ANKS1A: variants seen among roughly 807,000 people sequenced by gnomAD.
The protein encoded by ANKS1A is ankyrin repeat and SAM domain-containing protein 1A.
In ANKS1A, 55 loss-of-function variants were observed where a neutral mutation model predicts 120.3. The observed-to-expected ratio is 0.46, with a 90% CI of 0.37 to 0.57. The LOEUF is 0.57. Ranked by LOEUF, ANKS1A falls within the 20% of genes least tolerant of loss-of-function variation. The probability of loss-of-function intolerance (pLI) is 0.00; values close to 1 mark genes in which losing one functional copy is unlikely to be tolerated. For synonymous variants in ANKS1A, 590 were observed against 604.7 expected (o/e 0.98, Z 0.36); for missense variants, 1,123 against 1,480.3 (o/e 0.76, Z 3.96).
chr6:34,976,147 A>AAAAAAAAAAAAAAAG (rs559867720), intron 3 of ANKS1A, among the ~76,000 whole-genome samples: 5 of 145,728 alleles, frequency 3.4e-5, no homozygotes, highest in African/African-American at 5.0e-5. Context: ...AAAAAAAAAA[A>AAAAAAAAAAAAAAAG]AAAAGAAAAG....
chr6:35,051,520 C>T lies in ANKS1A; in HGVS notation c.2011-2579C>T, dbSNP rs191296418. Among the ~76,000 whole-genome samples the T allele has an allele frequency of 7.5e-4, 114 of 152,274 alleles. 2 individuals carry two copies. The highest frequency in any genetic ancestry group is 5.4e-3 in the Admixed American group (83 of 15,300). ...TTCCTTCCCCAGCACGCTGCATGGCCGTGGAGAACAGCTTTTCCAGTGCAG... is the reference window on the plus strand; with the variant it reads ...TTCCTTCCCCAGCACGCTGCATGGCTGTGGAGAACAGCTTTTCCAGTGCAG... On this transcript the variant is annotated intron_variant, in intron 11 of 23. Transcript: ENST00000360359.
chr6:34,971,296 A>G (rs1277870327), intron 3 of ANKS1A, among the ~76,000 whole-genome samples: 1 of 152,242 alleles, frequency 6.6e-6, no homozygotes, highest in Admixed American at 6.5e-5. Flanking sequence ...TTGAGCAAAA[A>G]TAACCGTATA....
At chr6:34,956,742 G>C (rs1293600491) in intron 1 of ANKS1A, among the ~76,000 whole-genome samples, 3 of 152,120 alleles carry the variant, frequency 2.0e-5, no homozygotes, top group Non-Finnish European at 1.5e-5. Flanking sequence ...CTTTCATTCA[G>C]GGCCTCTGAT....
At chr6:34,979,799 A>G (rs917436963) in intron 3 of ANKS1A, among the ~76,000 whole-genome samples, 4 of 152,200 alleles carry the variant, frequency 2.6e-5, no homozygotes, top group South Asian at 2.1e-4. Flanking sequence ...GGCTCTTTCT[A>G]TCACACTCAT....
At chr6:35,029,512 C>A (rs1053582059) in intron 11 of ANKS1A, among the ~76,000 whole-genome samples, 3 of 151,470 alleles carry the variant, frequency 2.0e-5, no homozygotes, top group African/African-American at 7.3e-5. Context: ...CCACGCCCAG[C>A]TAATCTTTGT....
At chr6:35,013,017 C>A (rs1773843765) in intron 10 of ANKS1A, among the ~76,000 whole-genome samples, 1 of 152,192 alleles carries the variant, frequency 6.6e-6, no homozygotes, top group South Asian at 2.1e-4. Context: ...TCTCTAACTC[C>A]TGAGCTCAAG....
At chr6:35,081,194 A>G (rs1777654955) in intron 17 of ANKS1A, 36 bp downstream of exon 17, 4 of 1,572,406 alleles carry the variant, frequency 2.5e-6, no homozygotes, top group Middle Eastern at 3.5e-4. Flanking sequence ...GCCAGGCTCT[A>G]CCTCATTCCT....
At position 35,082,431 on chromosome 6, in the gene ANKS1A, A is replaced by T. The variant is rs1369413061; in HGVS notation, c.2710-260A>T. Among the ~76,000 whole-genome samples, 2 of 151,492 alleles carry T rather than the reference A, an allele frequency of 1.3e-5. No homozygotes were observed. The highest frequency in any genetic ancestry group is 4.9e-5 in the African/African-American group (2 of 41,198). On this transcript the variant is annotated intron_variant, in intron 17 of 23. Coordinates refer to ENST00000360359, the MANE Select transcript of ANKS1A (RefSeq NM_015245.3). The surrounding 1 kb of genome is among the most constrained non-coding windows in gnomAD (Gnocchi z 4.1). ...TCATTTCCCATCTCCTTTGAGACTC[A>T]TCTCGGACACCACAGAGACTGTCCT...
At chr6:34,992,337 C>A (rs1357411182) in intron 9 of ANKS1A, among the ~76,000 whole-genome samples, 1 of 152,188 alleles carries the variant, frequency 6.6e-6, no homozygotes, top group Non-Finnish European at 1.5e-5. Context: ...TTGTCCTGCA[C>A]AAGAACTAGG....
chr6:35,059,426 C>T (rs58443716), intron 12 of ANKS1A, among the ~76,000 whole-genome samples: 1,789 of 152,344 alleles, frequency 0.012, 43 homozygotes, highest in African/African-American at 0.04. Flanking sequence ...CACAAAGGGC[C>T]GGTGGCCATG....
At chr6:34,925,611 CTT>C (rs1768677054) in intron 1 of ANKS1A, among the ~76,000 whole-genome samples, 2 of 152,190 alleles carry the variant, frequency 1.3e-5, no homozygotes, top group African/African-American at 4.8e-5. Flanking sequence ...TTCAGGGAAA[CTT>C]TGTCCATAGA....
At chr6:35,049,898 C>T (rs959052785) in intron 11 of ANKS1A, among the ~76,000 whole-genome samples, 1 of 152,218 alleles carries the variant, frequency 6.6e-6, no homozygotes, top group Non-Finnish European at 1.5e-5. Flanking sequence ...TGAGGTCCGC[C>T]TGTGCCCAAC....
Position 35,088,963 on chromosome 6 carries a change from A to C in ANKS1A, c.*354A>C. The stretch of plus-strand genomic sequence containing the variant: ...AGGTCATACTGCCAATCTTTAGACA[A>C]ATGGCCATGGGGCAGAGGACAGGGG... On this transcript the variant is annotated 3_prime_UTR_variant, in exon 24 of 24. Coordinates refer to ENST00000360359, the MANE Select transcript of ANKS1A (RefSeq NM_015245.3). The C allele has an allele frequency of 8.1e-7, 1 of 1,236,140 alleles. No individual in the cohort carries two copies. The highest frequency in any genetic ancestry group is 1.0e-6 in the Non-Finnish European group (1 of 976,276). 76.6% of individuals were successfully genotyped at this position (1,236,140 alleles called of 1,614,324 possible).
At chr6:35,078,687 C>T (rs1220743189) in intron 14 of ANKS1A, 31 bp downstream of exon 14, 9 of 1,594,796 alleles carry the variant, frequency 5.6e-6, no homozygotes, top group South Asian at 1.1e-5. Flanking sequence ...AGCCTCAGCC[C>T]GTGCGGAGCC....
intron 10 of ANKS1A, among the ~76,000 whole-genome samples, chr6:35,009,749 G>A (rs1773647296): frequency 6.6e-6 from 1 of 151,482 alleles, no homozygotes; most frequent in African/African-American, 2.4e-5. Context: ...CTAAAAATAT[G>A]AAAATTTACT....
intron 11 of ANKS1A, among the ~76,000 whole-genome samples, chr6:35,029,837 A>G (rs1313443822): frequency 1.3e-5 from 2 of 149,150 alleles, no homozygotes; most frequent in African/African-American, 4.9e-5. Context: ...TTTTATATAT[A>G]TATAGTTACA....
intron 2 of ANKS1A, among the ~76,000 whole-genome samples, chr6:34,968,946 CT>C (rs369084852): frequency 6.6e-6 from 1 of 152,174 alleles, no homozygotes; most frequent in African/African-American, 2.4e-5. Flanking sequence ...ATCATTAAGT[CT>C]TTTCTGTAGC....
At chr6:35,022,258 A>G (rs1032246703) in intron 11 of ANKS1A, among the ~76,000 whole-genome samples, 2 of 152,210 alleles carry the variant, frequency 1.3e-5, no homozygotes, top group African/African-American at 4.8e-5. Flanking sequence ...CTTCTCTACA[A>G]TTTGTTTTTC....
chr6:34,989,668 T>C (rs542262573), intron 9 of ANKS1A, among the ~76,000 whole-genome samples: 1 of 152,348 alleles, frequency 6.6e-6, no homozygotes, highest in Admixed American at 6.5e-5. Context: ...AGACTGTGCC[T>C]CATTAGCAAG....
Sources: allele counts gnomAD v4.1 joint callset (sites outside exome capture counted in the v4.1 genomes callset), GRCh38; gene constraint gnomAD v4.1.1; non-coding constraint Gnocchi (gnomAD v3.1); transcripts MANE v1.5; gene names NCBI Gene and HGNC (gene_info 2026-07-23, HGNC 2026-07-21).